Variants in GRK5 observed in about 807,000 individuals in gnomAD.
GRK5 encodes the protein g protein-coupled receptor kinase GRK5.
Under a neutral mutation model 78.4 loss-of-function variants are expected in GRK5, and 40 were observed. The observed-to-expected ratio is 0.51, with a 90% confidence interval of 0.40 to 0.66. The LOEUF (loss-of-function observed/expected upper bound fraction) is 0.66. Ranked by LOEUF, GRK5 falls within the 30% of genes least tolerant of loss-of-function variation. GRK5 has a pLI of 0.00. For synonymous variants in GRK5, 289 were observed against 296.8 expected (o/e 0.97, Z 0.27); for missense variants, 598 against 759.9 (o/e 0.79, Z 2.50).
At chr10:119,321,939 A>G (rs1242565012) in intron 1 of GRK5, among the ~76,000 whole-genome samples, 3 of 152,032 alleles carry the variant, frequency 2.0e-5, no homozygotes, top group South Asian at 2.1e-4. Context: ...TGTTGGTAAA[A>G]TGGTCATTAA....
chr10:119,432,303 C>T (rs57666459), intron 8 of GRK5, among the ~76,000 whole-genome samples: 36 of 152,314 alleles, frequency 2.4e-4, no homozygotes, highest in African/African-American at 8.4e-4. Flanking sequence ...AAAAATAAAG[C>T]TGGGTGCAGT....
intron 1 of GRK5, among the ~76,000 whole-genome samples, chr10:119,308,048 C>T (rs1850301063): frequency 6.6e-6 from 1 of 152,166 alleles, no homozygotes; most frequent in South Asian, 2.1e-4. Context: ...AGGCATCGTC[C>T]TTGGTCCCCT....
intron 1 of GRK5, among the ~76,000 whole-genome samples, chr10:119,324,254 A>G (rs1403499600): frequency 3.3e-5 from 5 of 152,212 alleles, no homozygotes; most frequent in African/African-American, 7.2e-5. Flanking sequence ...GGCTCTGCCA[A>G]TTATGAGCCA....
chr10:119,255,038 C>CAAAAA, intron 1 of GRK5, among the ~76,000 whole-genome samples: 1 of 113,734 alleles, frequency 8.8e-6, no homozygotes, highest in Non-Finnish European at 1.7e-5. Context: ...GACTCAGTCT[C>CAAAAA]AAAAAAAAAA....
In GRK5 at chr10:119,243,573, T is replaced by C. The variant is rs540565208; in HGVS notation, c.52+35604T>C. On this transcript the variant is annotated intron_variant, in intron 1 of 15. Coordinates refer to ENST00000392870, the MANE Select transcript of GRK5 (RefSeq NM_005308.3). ...ACAATGTTCCCAGTTTTTCTTTTTT[T>C]TTTTTTTTTTCTTTCTGTCCCTATC... 2.2e-3 allele frequency among the ~76,000 whole-genome samples: 330 copies of C among 149,584 alleles called. 3 individuals are homozygous for C. Among genetic ancestry groups the C allele is most frequent in the African/African-American group, 7.6e-3 (312 of 40,860 alleles).
chr10:119,261,765 G>A (rs1053572803), intron 1 of GRK5, among the ~76,000 whole-genome samples: 9 of 152,222 alleles, frequency 5.9e-5, no homozygotes, highest in South Asian at 2.1e-4. Context: ...CAGGCGTGGC[G>A]GCGCGCGCCT....
intron 2 of GRK5, among the ~76,000 whole-genome samples, chr10:119,357,977 C>T (rs1006007122): frequency 7.2e-5 from 11 of 152,144 alleles, no homozygotes; most frequent in African/African-American, 1.9e-4. Flanking sequence ...CTGGTCCTCT[C>T]GGGGTGGCTG....
intron 3 of GRK5, among the ~76,000 whole-genome samples, chr10:119,383,857 T>C (rs762520991): frequency 6.6e-6 from 1 of 152,168 alleles, no homozygotes; most frequent in African/African-American, 2.4e-5. Context: ...TACTGGGACA[T>C]AGCAGTTGCA....
At chr10:119,261,750 C>A (rs1307361804) in intron 1 of GRK5, among the ~76,000 whole-genome samples, 4 of 152,262 alleles carry the variant, frequency 2.6e-5, no homozygotes, top group African/African-American at 4.8e-5. Flanking sequence ...AATACAAAAA[C>A]CAGTCAGGCG....
intron 1 of GRK5, among the ~76,000 whole-genome samples, chr10:119,309,822 A>G (rs1044041607): frequency 6.6e-6 from 1 of 152,160 alleles, no homozygotes; most frequent in African/African-American, 2.4e-5. Flanking sequence ...AGCCAGCATC[A>G]TCCTTGTGGA....
chr10:119,310,021 T>A (rs955356057), intron 1 of GRK5, among the ~76,000 whole-genome samples: 2 of 152,172 alleles, frequency 1.3e-5, no homozygotes, highest in African/African-American at 4.8e-5. Flanking sequence ...TTCGTCCTAG[T>A]GTCTCCGTGG....
chr10:119,419,961 C>T (rs1393194089), intron 4 of GRK5, among the ~76,000 whole-genome samples: 1 of 152,156 alleles, frequency 6.6e-6, no homozygotes, highest in African/African-American at 2.4e-5. Flanking sequence ...AGGGTCAGAC[C>T]TTATGGGTCC....
chr10:119,409,724 C>T (rs1371986132), intron 4 of GRK5, among the ~76,000 whole-genome samples: 1 of 152,134 alleles, frequency 6.6e-6, no homozygotes, highest in Non-Finnish European at 1.5e-5. Flanking sequence ...GCCCCCCAAC[C>T]CCTTTATTTT....
intron 1 of GRK5, among the ~76,000 whole-genome samples, chr10:119,220,607 G>C (rs1431574536): frequency 1.3e-5 from 2 of 151,960 alleles, no homozygotes; most frequent in African/African-American, 2.4e-5. Context: ...GGCCAAGGTG[G>C]GTGGATCACC....
intron 1 of GRK5, among the ~76,000 whole-genome samples, chr10:119,312,809 G>C (rs1244616635): frequency 6.6e-6 from 1 of 152,234 alleles, no homozygotes; most frequent in Non-Finnish European, 1.5e-5. Flanking sequence ...TAGTAGGGTA[G>C]AGACATAGCT....
chr10:119,351,687 A>G (rs569121515), intron 2 of GRK5, among the ~76,000 whole-genome samples: 1 of 152,350 alleles, frequency 6.6e-6, no homozygotes, highest in South Asian at 2.1e-4. Flanking sequence ...ACAGCAGCTC[A>G]TGAATGACTG....
At chr10:119,443,882 GC>G in intron 12 of GRK5, 130 bp downstream of exon 12, 4 of 766,164 alleles carry the variant, frequency 5.2e-6, no homozygotes, top group Non-Finnish European at 8.2e-6. Context: ...GGGGGTTGCA[GC>G]CCACCAAGCT....
intron 3 of GRK5, among the ~76,000 whole-genome samples, chr10:119,382,063 C>G (rs2133832465): frequency 6.6e-6 from 1 of 152,340 alleles, no homozygotes; most frequent in South Asian, 2.1e-4. Flanking sequence ...GACCAGCACC[C>G]TATAGTCACC....
At chr10:119,334,333 T>G (rs550817001) in intron 2 of GRK5, among the ~76,000 whole-genome samples, 2 of 152,214 alleles carry the variant, frequency 1.3e-5, no homozygotes, top group South Asian at 2.1e-4. Flanking sequence ...AGAGAGAGAT[T>G]CCTTGCCACC....
Sources: gnomAD v4.1 joint callset for allele counts (sites outside exome capture counted in the v4.1 genomes callset) on GRCh38, gnomAD v4.1.1 for gene constraint, MANE v1.5 for transcripts, NCBI Gene and HGNC (gene_info 2026-07-23, HGNC 2026-07-21) for gene names.